KCNQ5: variants seen among roughly 807,000 people sequenced by gnomAD.
KCNQ5 encodes the protein potassium voltage-gated channel subfamily Q member 5.
Under a neutral mutation model 98.2 loss-of-function variants are expected in KCNQ5, and 30 were observed. That is an observed-to-expected ratio of 0.31 (90% CI 0.23 to 0.41). KCNQ5 has a LOEUF of 0.41. Ranked by LOEUF, KCNQ5 falls within the 10% of genes least tolerant of loss-of-function variation. KCNQ5 has a pLI of 1.00. For synonymous variants in KCNQ5, 458 were observed against 449.4 expected, an observed-to-expected ratio of 1.02 and a Z score of -0.24; for missense variants, 835 against 1,182.5, an observed-to-expected ratio of 0.71 and a Z score of 4.31.
chr6:72,887,997 T>C (rs1238039601), intron 1 of KCNQ5, among the ~76,000 whole-genome samples: 1 of 152,014 alleles, frequency 6.6e-6, no homozygotes, highest in Non-Finnish European at 1.5e-5. Context: ...CACATTAATA[T>C]TAAAAATAAA....
chr6:73,133,666 T>G (rs1776334881), intron 10 of KCNQ5, 25 bp downstream of exon 10: 2 of 1,588,626 alleles, frequency 1.3e-6, no homozygotes, highest in South Asian at 1.1e-5. Flanking sequence ...TCCATAACCA[T>G]TTTTAATTGG....
chr6:72,922,810 C>CTTTTTCTTTTTTTTTTTTTTTTTTTTTTT (rs1554186016), intron 1 of KCNQ5, among the ~76,000 whole-genome samples: 14 of 103,824 alleles, frequency 1.3e-4, no homozygotes, highest in East Asian at 2.8e-4. Context: ...TTTTCTTTTT[C>CTTTTTCTTTTTTTTTTTTTTTTTTTTTTT]TTTTTTTTTT....
At chr6:73,122,232 T>G (rs1775777667) in intron 8 of KCNQ5, among the ~76,000 whole-genome samples, 1 of 152,204 alleles carries the variant, frequency 6.6e-6, no homozygotes, top group Non-Finnish European at 1.5e-5. Flanking sequence ...AAAGGGAATC[T>G]GAGTAGGAAA....
Position 73,195,019 on chromosome 6 carries a change from C to A in KCNQ5, c.2404C>A (p.Arg802Ser), listed in dbSNP as rs759996062. 15 of 1,614,002 alleles carry A rather than the reference C, an allele frequency of 9.3e-6. No homozygotes were observed. Among genetic ancestry groups the A allele is most frequent in the Non-Finnish European group, 1.2e-5 (14 of 1,180,038 alleles). Reference sequence around the variant, plus strand: ...TGCACAGTCAAATCTCACCAAGGACCGTTCTATGAGGAAAAGCTTTGACAT... The same window carrying A: ...TGCACAGTCAAATCTCACCAAGGACAGTTCTATGAGGAAAAGCTTTGACAT... ...QVAQSNLTKD[R>S]SMRKSFDMGG... The change falls in exon 14 of 14, where the codon CGT (arginine) becomes AGT (serine). Residue 802 changes from arginine to serine, a missense_variant. Arg to Ser is a moderately radical substitution (Grantham distance 110). Coordinates refer to ENST00000370398, the MANE Select transcript of KCNQ5 (RefSeq NM_019842.4).
intron 10 of KCNQ5, among the ~76,000 whole-genome samples, chr6:73,163,885 G>A (rs1364253398): frequency 6.6e-6 from 1 of 151,970 alleles, no homozygotes; most frequent in Non-Finnish European, 1.5e-5. Context: ...GTGGTAGGAG[G>A]TGCCCCTTCT....
At chr6:73,130,935 T>G (rs1258627043) in intron 9 of KCNQ5, among the ~76,000 whole-genome samples, 1 of 152,240 alleles carries the variant, frequency 6.6e-6, no homozygotes, top group Non-Finnish European at 1.5e-5. Context: ...ATGCCGAGTT[T>G]ATTTTAAAAT....
chr6:72,729,330 C>T (rs9293900), intron 1 of KCNQ5, among the ~76,000 whole-genome samples: 55,385 of 151,818 alleles, frequency 0.36, 13,670 homozygotes, highest in African/African-American at 0.67. Context: ...TTCTGTCACC[C>T]GGGCTGGAGT....
chr6:72,714,768 G>A (rs565594008), intron 1 of KCNQ5, among the ~76,000 whole-genome samples: 1 of 152,128 alleles, frequency 6.6e-6, no homozygotes, highest in African/African-American at 2.4e-5. Context: ...CTAATGTCAA[G>A]GCAGTTCAAA....
chr6:72,791,444 C>T (rs1000863493), intron 1 of KCNQ5, among the ~76,000 whole-genome samples: 2 of 152,128 alleles, frequency 1.3e-5, no homozygotes, highest in Admixed American at 6.6e-5. Flanking sequence ...CCCAAGCACA[C>T]ACATGGAACT....
At position 72,802,713 on chromosome 6, in the gene KCNQ5, C is replaced by T. The variant is rs141155874; in HGVS notation, c.398+180126C>T. On this transcript the variant is annotated intron_variant, in intron 1 of 13. Transcript: ENST00000370398. ...CCTGTAGTCTGCATAGAGGAATCCT[C>T]TTAAGGTCCAAGAACTCATGTCTCA... Among the ~76,000 whole-genome samples, 531 of 152,174 alleles carry T rather than the reference C, an allele frequency of 3.5e-3. 4 individuals carry two copies. The highest frequency in any genetic ancestry group is 0.012 in the African/African-American group (515 of 41,536).
Position 72,986,873 on chromosome 6 carries a change from G to A in KCNQ5, c.399-17035G>A, listed in dbSNP as rs116190292. On this transcript the variant is annotated intron_variant, in intron 1 of 13. Transcript: ENST00000370398. ...CTCAGTCCAGAACCCTTGGTTCTGC[G>A]AGGCTGGGGATGCTGCGGACACTTG... 4,665 of 906,614 alleles carry A rather than the reference G, an allele frequency of 5.1e-3. 151 individuals carry two copies. In the African/African-American group the frequency reaches 0.066, roughly 13 times the overall value. 56.2% of individuals were successfully genotyped at this position (906,614 alleles called of 1,614,324 possible). A position where few individuals can be genotyped will look rare whatever the true frequency, so the allele number is the denominator to read the frequency against.
At chr6:72,972,552 T>C (rs1157271314) in intron 1 of KCNQ5, among the ~76,000 whole-genome samples, 2 of 151,892 alleles carry the variant, frequency 1.3e-5, no homozygotes, top group African/African-American at 4.8e-5. Flanking sequence ...GTTCATGTGT[T>C]CTCAATGTTC....
At chr6:72,846,661 A>G (rs1777035252) in intron 1 of KCNQ5, among the ~76,000 whole-genome samples, 1 of 152,190 alleles carries the variant, frequency 6.6e-6, no homozygotes, top group Non-Finnish European at 1.5e-5. Context: ...CTTGGGTAAC[A>G]GAGCAAGGCT....
chr6:72,746,090 A>G (rs1322079669), intron 1 of KCNQ5, among the ~76,000 whole-genome samples: 1 of 63,836 alleles, frequency 1.6e-5, no homozygotes, highest in South Asian at 4.1e-4. Context: ...AAAAAAAAAA[A>G]AAAAAAAAAA....
chr6:72,903,089 A>G (rs958045791), intron 1 of KCNQ5, among the ~76,000 whole-genome samples: 4 of 152,098 alleles, frequency 2.6e-5, no homozygotes, highest in African/African-American at 9.7e-5. Context: ...GAATGTATCC[A>G]TCTCTTCTAG....
intron 1 of KCNQ5, among the ~76,000 whole-genome samples, chr6:72,929,620 T>G (rs983406342): frequency 1.3e-5 from 2 of 152,098 alleles, no homozygotes; most frequent in South Asian, 2.1e-4. Flanking sequence ...TAAAGTACAA[T>G]GTACATAAAG....
chr6:72,843,032 G>T (rs1776867014), intron 1 of KCNQ5, among the ~76,000 whole-genome samples: 2 of 152,130 alleles, frequency 1.3e-5, no homozygotes, highest in Non-Finnish European at 2.9e-5. Context: ...ATTGCTTTCG[G>T]TATTTTAGTC....
intron 11 of KCNQ5, among the ~76,000 whole-genome samples, chr6:73,179,932 T>C (rs751659041): frequency 1.1e-4 from 16 of 152,226 alleles, no homozygotes; most frequent in Non-Finnish European, 1.5e-4. Context: ...ATTTGTTTCT[T>C]CATTGCTGTA....
intron 3 of KCNQ5, among the ~76,000 whole-genome samples, chr6:73,054,623 G>A (rs948976430): frequency 6.6e-6 from 1 of 152,134 alleles, no homozygotes; most frequent in Non-Finnish European, 1.5e-5. Flanking sequence ...TGCAGAAAAG[G>A]CTTTTGATAA....
Sources: allele counts gnomAD v4.1 joint callset (sites outside exome capture counted in the v4.1 genomes callset), GRCh38; gene constraint gnomAD v4.1.1; transcripts MANE v1.5; gene names NCBI Gene and HGNC (gene_info 2026-07-23, HGNC 2026-07-21).